DYM: variants seen among roughly 807,000 people sequenced by gnomAD.
DYM encodes dymeclin, also known as dyggve-Melchior-Clausen syndrome protein.
Under a neutral mutation model 93.1 loss-of-function variants are expected in DYM, and 78 were observed. The observed-to-expected ratio is 0.84, with a 90% CI of 0.70 to 1.01. The LOEUF (loss-of-function observed/expected upper bound fraction) is 1.01, where lower values mean the gene tolerates loss of function less well. Ranked by LOEUF, DYM falls within the 50% of genes least tolerant of loss-of-function variation. The pLI is 0.00. For missense variants in DYM, 789 were observed against 845.0 expected (o/e 0.93, Z 0.82); for synonymous variants, 321 against 319.7 (o/e 1.00, Z -0.04).
At chr18:49,459,410 C>A (rs918817994) in intron 1 of DYM, among the ~76,000 whole-genome samples, 30 of 152,120 alleles carry the variant, frequency 2.0e-4, no homozygotes, top group Admixed American at 1.3e-3. Context: ...AAATTTCATC[C>A]TCTGCAACAA....
intron 17 of DYM, among the ~76,000 whole-genome samples, chr18:49,046,442 T>A (rs992997912): frequency 1.5e-5 from 2 of 130,998 alleles, no homozygotes; most frequent in Admixed American, 7.7e-5. Flanking sequence ...ACAAAACAGA[T>A]ACCCACACAC....
chr18:49,187,045 G>A (rs763462814), intron 14 of DYM, among the ~76,000 whole-genome samples: 26 of 151,136 alleles, frequency 1.7e-4, no homozygotes, highest in African/African-American at 7.3e-5. Flanking sequence ...TCAGCCGTCC[G>A]AGTAGCTGGG....
chr18:49,166,592 T>C (rs1399510647), intron 14 of DYM, among the ~76,000 whole-genome samples: 6 of 151,820 alleles, frequency 4.0e-5, no homozygotes, highest in Non-Finnish European at 8.8e-5. Context: ...TAAATTATTT[T>C]GCAGGAGATG....
chr18:49,297,039 T>A (rs187751894), intron 8 of DYM, among the ~76,000 whole-genome samples: 2 of 152,174 alleles, frequency 1.3e-5, no homozygotes, highest in South Asian at 4.1e-4. Flanking sequence ...GTTTTTAAAG[T>A]GTACAAGTAA....
chr18:49,212,918 T>G (rs1424909807), intron 13 of DYM, among the ~76,000 whole-genome samples: 2 of 152,196 alleles, frequency 1.3e-5, no homozygotes, highest in Non-Finnish European at 2.9e-5. Context: ...ACCTCTATAC[T>G]TACAGCTTGG....
At chr18:49,187,170 G>A (rs1218258901) in intron 14 of DYM, among the ~76,000 whole-genome samples, 1 of 151,944 alleles carries the variant, frequency 6.6e-6, no homozygotes, top group Admixed American at 6.6e-5. Context: ...CGCCCGCCTC[G>A]GCCTCCCAAA....
At chr18:49,114,193 T>G (rs2081705330) in intron 16 of DYM, among the ~76,000 whole-genome samples, 2 of 152,206 alleles carry the variant, frequency 1.3e-5, no homozygotes, top group African/African-American at 4.8e-5. Flanking sequence ...TTCTTATCTG[T>G]AAAGTGGGAT....
rs1291960999 is a variant in DYM, at chr18:49,449,354, AAAGAG to A, written c.-54+11039_-54+11043del. ...GTTTCCTATAGTAGGCCTAAAACGA[AAAGAG>A]AAAATAGGGAAGGCAAAGAAATAAG... is the stretch of plus-strand genomic sequence containing the variant. On this transcript the variant is annotated intron_variant, in intron 1 of 17. Coordinates refer to ENST00000675505, the MANE Select transcript of DYM (RefSeq NM_001353214.3). Among the ~76,000 whole-genome samples the A allele has an allele frequency of 5.3e-5, 8 of 152,338 alleles. No individual in the cohort carries two copies. The East Asian group carries it at 1.5e-3, about 29-fold the overall frequency.
At chr18:49,390,441 A>T (rs963509684) in intron 3 of DYM, among the ~76,000 whole-genome samples, 10 of 152,076 alleles carry the variant, frequency 6.6e-5, no homozygotes, top group Admixed American at 6.6e-5. Context: ...TTAAAAAAAA[A>T]AATAAATCAT....
In DYM at chr18:49,062,675, C is replaced by G. The variant is rs77679802; in HGVS notation, c.2026-18471G>C. On this transcript the variant is annotated intron_variant, in intron 17 of 17. Coordinates refer to ENST00000675505, the MANE Select transcript of DYM (RefSeq NM_001353214.3). ...CCATTTGTTCTCCTCCACCTGACTC[C>G]TGAATTATTTGGAAAGGAAATAGGA... Among the ~76,000 whole-genome samples, 189 of 152,360 alleles carry G rather than the reference C, an allele frequency of 1.2e-3. 8 individuals are homozygous for G. In the East Asian group the frequency reaches 0.036, roughly 29 times the overall value.
intron 13 of DYM, among the ~76,000 whole-genome samples, chr18:49,226,140 T>C (rs1332687582): frequency 6.6e-6 from 1 of 152,130 alleles, no homozygotes; most frequent in Non-Finnish European, 1.5e-5. Flanking sequence ...AAATAGTTTT[T>C]AAAGGTTTTG....
chr18:49,164,540 T>A (rs566275890), intron 14 of DYM, among the ~76,000 whole-genome samples: 1 of 152,242 alleles, frequency 6.6e-6, no homozygotes, highest in African/African-American at 2.4e-5. Context: ...GAGAGAGGAA[T>A]TTAACACTGC....
chr18:49,450,077 CTTAAA>C (rs1600367163), intron 1 of DYM, among the ~76,000 whole-genome samples: 1 of 152,114 alleles, frequency 6.6e-6, no homozygotes, highest in Admixed American at 6.6e-5. Flanking sequence ...AAGAGATTAT[CTTAAA>C]TTTAATAAGA....
chr18:49,301,141 C>T (rs564982412), intron 8 of DYM, among the ~76,000 whole-genome samples: 2 of 152,248 alleles, frequency 1.3e-5, no homozygotes, highest in South Asian at 4.1e-4. Context: ...AAGGGGTCTT[C>T]ATTCTAATAT....
intron 10 of DYM, among the ~76,000 whole-genome samples, chr18:49,275,280 GT>G (rs2094822762): frequency 6.6e-6 from 1 of 152,014 alleles, no homozygotes; most frequent in African/African-American, 2.4e-5. Context: ...TTGATGATAG[GT>G]ATATGGGTTT....
chr18:49,311,593 T>C (rs912778185), intron 8 of DYM, among the ~76,000 whole-genome samples: 1 of 152,060 alleles, frequency 6.6e-6, no homozygotes, highest in African/African-American at 2.4e-5. Context: ...TCGATGAAGC[T>C]GGAAACCATC....
At chr18:49,379,131 G>C (rs1360592732) in intron 4 of DYM, among the ~76,000 whole-genome samples, 1 of 152,098 alleles carries the variant, frequency 6.6e-6, no homozygotes, top group Non-Finnish European at 1.5e-5. Flanking sequence ...TTGTATTAAT[G>C]ACCATGAACT....
chr18:49,293,406 T>A (rs1230550348), intron 8 of DYM, among the ~76,000 whole-genome samples: 2 of 152,210 alleles, frequency 1.3e-5, no homozygotes, highest in Admixed American at 6.5e-5. Context: ...CACCACACTG[T>A]CTTCCACAAT....
chr18:49,458,683 C>CA (rs764993637), intron 1 of DYM, among the ~76,000 whole-genome samples: 12 of 151,804 alleles, frequency 7.9e-5, no homozygotes, highest in Non-Finnish European at 1.8e-4. Flanking sequence ...ACTAAAAATA[C>CA]AAAAAATTAG....
Sources: gnomAD v4.1 joint callset for allele counts (sites outside exome capture counted in the v4.1 genomes callset) on GRCh38, gnomAD v4.1.1 for gene constraint, MANE v1.5 for transcripts, NCBI Gene and HGNC (gene_info 2026-07-23, HGNC 2026-07-21) for gene names.